PILRA: variants seen among roughly 807,000 people sequenced by gnomAD.
PILRA encodes paired immunoglobulin-like type 2 receptor alpha.
In PILRA, 37 loss-of-function variants were observed where a neutral mutation model predicts 33.1. The ratio of observed to expected loss-of-function variants is 1.12; its 90% confidence interval spans 0.86 to 1.47. The LOEUF (loss-of-function observed/expected upper bound fraction) is 1.47. Ranked by LOEUF, PILRA falls within the 40% of genes most tolerant of loss-of-function variation. The pLI, the probability that PILRA is intolerant of heterozygous loss-of-function variation, is 0.00. For missense variants in PILRA, 312 were observed against 376.2 expected (o/e 0.83, Z 1.41); for synonymous variants, 146 against 149.9 (o/e 0.97, Z 0.19).
chr7:100,374,073 C>G lies in PILRA; in HGVS notation c.94C>G (p.Leu32Val), dbSNP rs776930480. 1.9e-6 allele frequency: 3 copies of G among 1,613,986 alleles called. No homozygotes were observed. The highest frequency in any genetic ancestry group is 1.7e-6 in the Non-Finnish European group (2 of 1,180,002). Residue 32 changes from leucine (L) to valine (V), a missense_variant, in exon 2 of 7, where the codon CTT (leucine) becomes GTT (valine). Leu to Val is a conservative substitution (Grantham distance 32). Coordinates refer to ENST00000198536, the MANE Select transcript of PILRA (RefSeq NM_013439.3). ...SGSTGSGPSYLYGVTQPKHLS... is the reference protein window; with the variant it reads ...SGSTGSGPSYVYGVTQPKHLS... Reference sequence around the variant, plus strand: ...CTCCACAGGATCTGGTCCAAGCTACCTTTATGGGGTCACTCAACCAAAACA... The same window carrying G: ...CTCCACAGGATCTGGTCCAAGCTACGTTTATGGGGTCACTCAACCAAAACA...
At chr7:100,377,151 G>A (rs943737724) in intron 2 of PILRA, among the ~76,000 whole-genome samples, 3 of 148,996 alleles carry the variant, frequency 2.0e-5, no homozygotes, top group Non-Finnish European at 4.5e-5. Context: ...TAAGTTTGTT[G>A]TTGGCTTATT....
intron 2 of PILRA, among the ~76,000 whole-genome samples, chr7:100,382,170 C>T (rs1046017787): frequency 6.6e-6 from 1 of 152,204 alleles, no homozygotes; most frequent in Non-Finnish European, 1.5e-5. Context: ...GGTTGGGGAT[C>T]CAATGGGTGA....
Position 100,400,091 on chromosome 7 carries a change from T to C in PILRA, c.*184T>C. On this transcript the variant is annotated 3_prime_UTR_variant, in exon 7 of 7. Transcript: ENST00000198536. ...TATATTAACAATAAAGTAACAAATT[T>C]AAAAAGATTGTCTTCAAAACTATTT... is the stretch of plus-strand genomic sequence containing the variant. 1 of 482,586 alleles carries C rather than the reference T, an allele frequency of 2.1e-6. No individual in the cohort carries two copies. The allele number at this position is 482,586 out of a possible 1,614,324, so 29.9% of individuals were successfully genotyped here.
At chr7:100,391,338 G>A (rs1197204264) in intron 3 of PILRA, among the ~76,000 whole-genome samples, 1 of 151,562 alleles carries the variant, frequency 6.6e-6, no homozygotes, top group South Asian at 2.1e-4. Context: ...CTGGGAGACG[G>A]AGCAAACTAT....
In PILRA at chr7:100,374,161, T is replaced by G; in HGVS notation, c.182T>G (p.Leu61Ter). 6.2e-7 allele frequency: 1 copy of G among 1,614,116 alleles called. No individual in the cohort carries two copies. ...TTCTCCTTCTATTACCCCTGGGAGT[T>G]AGCCACAGCTCCCGACGTGAGAATA... is the stretch of plus-strand genomic sequence containing the variant. ...IPFSFYYPWE[L>*]ATAPDVRISW... The change falls in exon 2 of 7, where the codon TTA (leucine) becomes TGA (stop). Residue 61 changes from leucine to a stop codon, truncating the protein, a stop_gained. Transcript: ENST00000198536. LOFTEE classifies it high-confidence loss of function.
intron 2 of PILRA, 131 bp downstream of exon 2, chr7:100,374,564 C>A: frequency 1.9e-6 from 2 of 1,054,394 alleles, no homozygotes; most frequent in Non-Finnish European, 2.8e-6. Context: ...TGGCCCCTAA[C>A]ACTTCCTCAG....
At chr7:100,397,588 G>A (rs1230675171) in intron 3 of PILRA, among the ~76,000 whole-genome samples, 1 of 152,126 alleles carries the variant, frequency 6.6e-6, no homozygotes, top group Admixed American at 6.5e-5. Context: ...AGGGCTCAGC[G>A]GTGGAGGGAG....
chr7:100,393,197 T>C (rs1484496491), intron 3 of PILRA, among the ~76,000 whole-genome samples: 1 of 151,996 alleles, frequency 6.6e-6, no homozygotes, highest in African/African-American at 2.4e-5. Flanking sequence ...TGAGAATCGC[T>C]TGAACCTAGG....
chr7:100,385,042 TAAAG>T (rs1270096629), intron 2 of PILRA, among the ~76,000 whole-genome samples: 2 of 152,198 alleles, frequency 1.3e-5, no homozygotes, highest in East Asian at 3.9e-4. Flanking sequence ...CTGAGTCAGA[TAAAG>T]AAAATGGGGG....
chr7:100,381,024 T>C (rs954969282), intron 2 of PILRA, among the ~76,000 whole-genome samples: 9 of 151,054 alleles, frequency 6.0e-5, no homozygotes, highest in African/African-American at 2.2e-4. Context: ...CCCAGCACTT[T>C]GGGAGGCTGA....
At chr7:100,393,939 GC>G (rs1445117051) in intron 3 of PILRA, among the ~76,000 whole-genome samples, 5 of 151,962 alleles carry the variant, frequency 3.3e-5, no homozygotes, top group African/African-American at 1.2e-4. Context: ...GCCGATCCCC[GC>G]CCCTCCGACC....
intron 2 of PILRA, among the ~76,000 whole-genome samples, chr7:100,382,709 C>A (rs1419546381): frequency 2.6e-5 from 4 of 151,930 alleles, no homozygotes; most frequent in African/African-American, 9.7e-5. Flanking sequence ...TGGAAAGTTT[C>A]TTTTTTTTGC....
At chr7:100,382,855 GA>G (rs1190425367) in intron 2 of PILRA, among the ~76,000 whole-genome samples, 2 of 152,170 alleles carry the variant, frequency 1.3e-5, no homozygotes, top group Non-Finnish European at 2.9e-5. Context: ...TAAAAAGGAA[GA>G]AACTCTGAAC....
intron 2 of PILRA, among the ~76,000 whole-genome samples, chr7:100,381,898 G>A (rs1791105388): frequency 6.6e-6 from 1 of 152,204 alleles, no homozygotes; most frequent in African/African-American, 2.4e-5. Context: ...TGGTGCCCCA[G>A]CAGTGCCAGC....
At position 100,374,036 on chromosome 7, in the gene PILRA, T is replaced by TC. The variant is rs780192524; in HGVS notation, c.65-6dup. 22 of 1,612,104 alleles carry TC rather than the reference T, an allele frequency of 1.4e-5. No individual in the cohort carries two copies. The South Asian group carries it at 1.4e-4, about 10-fold the overall frequency. On this transcript the variant is annotated splice_polypyrimidine_tract_variant and splice_region_variant and intron_variant, in intron 1 of 6. Coordinates refer to ENST00000198536, the MANE Select transcript of PILRA (RefSeq NM_013439.3). ...GTCTCTCCCCTACTCACTCCCTCCC[T>TC]CCTCTAGGTGGCTCCACAGGATCTG... is the stretch of plus-strand genomic sequence containing the variant.
chr7:100,387,439 C>G (rs1408794844), intron 2 of PILRA, among the ~76,000 whole-genome samples: 1 of 152,148 alleles, frequency 6.6e-6, no homozygotes, highest in Non-Finnish European at 1.5e-5. Context: ...CTCTCAAACT[C>G]CTGACCTCAG....
intron 2 of PILRA, among the ~76,000 whole-genome samples, chr7:100,384,711 C>G (rs549835899): frequency 1.2e-4 from 19 of 152,120 alleles, no homozygotes; most frequent in African/African-American, 4.6e-4. Flanking sequence ...TCGCTTGAGC[C>G]CAGGAGTTGG....
Position 100,392,040 on chromosome 7 carries a change from C to T in PILRA, c.673+1934C>T, listed in dbSNP as rs538310744. Among the ~76,000 whole-genome samples, 34 of 151,906 alleles carry T rather than the reference C, an allele frequency of 2.2e-4. No homozygotes were observed. The South Asian group carries it at 3.9e-3, about 18-fold the overall frequency. On this transcript the variant is annotated intron_variant, in intron 3 of 6. Transcript: ENST00000198536. ...GCAATGGGCTAGGCATGATGGCTCCCGCTCACGCCTGTAATCCCAGCACTT... is the reference window on the plus strand; with the variant it reads ...GCAATGGGCTAGGCATGATGGCTCCTGCTCACGCCTGTAATCCCAGCACTT...
chr7:100,391,191 A>G (rs1476699309), intron 3 of PILRA, among the ~76,000 whole-genome samples: 1 of 137,624 alleles, frequency 7.3e-6, no homozygotes, highest in African/African-American at 3.1e-5. Context: ...AATAATTATT[A>G]TTATTATTAT....
Sources: gnomAD v4.1 joint callset for allele counts (sites outside exome capture counted in the v4.1 genomes callset) on GRCh38, gnomAD v4.1.1 for gene constraint, MANE v1.5 for transcripts, NCBI Gene and HGNC (gene_info 2026-07-23, HGNC 2026-07-21) for gene names.